SGCZ: variants seen among roughly 807,000 people sequenced by gnomAD.
The protein encoded by SGCZ is zeta-sarcoglycan.
SGCZ carries 40 observed loss-of-function variants against 41.3 expected under a neutral mutation model. The observed-to-expected ratio is 0.97, with a 90% CI of 0.75 to 1.26. SGCZ has a LOEUF of 1.26. Among genes scored for constraint, SGCZ ranks in the 50% most tolerant of loss-of-function variants. SGCZ has a pLI of 0.00. For synonymous variants in SGCZ, 206 were observed against 137.5 expected, an observed-to-expected ratio of 1.50 and a Z score of -3.49; for missense variants, 552 against 369.8, an observed-to-expected ratio of 1.49 and a Z score of -4.04.
intron 2 of SGCZ, among the ~76,000 whole-genome samples, chr8:14,506,730 T>G (rs565718642): frequency 3.1e-4 from 47 of 152,322 alleles, no homozygotes; most frequent in Non-Finnish European, 6.5e-4. Flanking sequence ...CTAAATTGAA[T>G]GGTCCATCTC....
At chr8:15,077,531 T>C (rs1294671907) in intron 1 of SGCZ, among the ~76,000 whole-genome samples, 1 of 152,234 alleles carries the variant, frequency 6.6e-6, no homozygotes, top group African/African-American at 2.4e-5. Context: ...TGAATTTTTC[T>C]AACTGAAGGA....
intron 1 of SGCZ, among the ~76,000 whole-genome samples, chr8:14,781,159 T>C (rs1800576283): frequency 6.6e-6 from 1 of 152,160 alleles, no homozygotes; most frequent in Non-Finnish European, 1.5e-5. Context: ...TACTGCCTCT[T>C]TTTTCTAAGC....
chr8:14,744,090 G>T (rs577552791), intron 1 of SGCZ, among the ~76,000 whole-genome samples: 1 of 151,510 alleles, frequency 6.6e-6, no homozygotes, highest in African/African-American at 2.4e-5. Context: ...CAAGGGTTTC[G>T]TCTCTTTTAG....
chr8:15,237,085 T>G (rs1197313398), intron 1 of SGCZ, among the ~76,000 whole-genome samples: 1 of 152,166 alleles, frequency 6.6e-6, no homozygotes, highest in Admixed American at 6.5e-5. Context: ...AAACGGGCTG[T>G]CGTTGCAGAT....
chr8:14,202,264 C>T (rs1805478865), intron 4 of SGCZ, among the ~76,000 whole-genome samples: 1 of 152,112 alleles, frequency 6.6e-6, no homozygotes, highest in Admixed American at 6.6e-5. Flanking sequence ...GTAAAGATAA[C>T]CTCTATAAAC....
At chr8:15,036,199 C>G (rs929681627) in intron 1 of SGCZ, among the ~76,000 whole-genome samples, 1 of 151,970 alleles carries the variant, frequency 6.6e-6, no homozygotes, top group Non-Finnish European at 1.5e-5. Flanking sequence ...CTACATTAAA[C>G]TAGGATACAT....
intron 1 of SGCZ, among the ~76,000 whole-genome samples, chr8:14,798,949 C>A (rs1389019366): frequency 6.6e-6 from 1 of 151,798 alleles, no homozygotes; most frequent in Non-Finnish European, 1.5e-5. Context: ...TTTCTGCCTA[C>A]ATATTTTACT....
chr8:14,582,615 G>A lies in SGCZ; in HGVS notation c.40-27689C>T, dbSNP rs571681880. ...ATGCTGGTGTGCTGCCCATTAACTC[G>A]TCATTTAGCATTAGGTATATCTCCT... is the stretch of plus-strand genomic sequence containing the variant. On this transcript the variant is annotated intron_variant, in intron 1 of 7. Coordinates refer to ENST00000382080, the MANE Select transcript of SGCZ (RefSeq NM_139167.4). Among the ~76,000 whole-genome samples, 588 of 148,928 alleles carry A rather than the reference G, an allele frequency of 3.9e-3. 5 individuals are homozygous for A. The highest frequency in any genetic ancestry group is 0.014 in the African/African-American group (551 of 39,904).
chr8:14,237,280 C>T (rs112568277), intron 4 of SGCZ, among the ~76,000 whole-genome samples: 11 of 152,116 alleles, frequency 7.2e-5, no homozygotes, highest in African/African-American at 2.7e-4. Flanking sequence ...ACATGACTAG[C>T]CTATGACAAG....
At chr8:14,835,245 C>G (rs1031713761) in intron 1 of SGCZ, among the ~76,000 whole-genome samples, 3 of 152,096 alleles carry the variant, frequency 2.0e-5, no homozygotes, top group Admixed American at 1.3e-4. Context: ...CCTTAGGCAC[C>G]TGAAATATTT....
chr8:15,232,675 GTA>G (rs34496062), intron 1 of SGCZ, among the ~76,000 whole-genome samples: 47,135 of 116,758 alleles, frequency 0.4, 10,704 homozygotes, highest in Non-Finnish European at 0.5. Flanking sequence ...ATATGTGTGT[GTA>G]TATATATATA....
intron 3 of SGCZ, among the ~76,000 whole-genome samples, chr8:14,253,332 C>T (rs567474897): frequency 2.0e-5 from 3 of 151,194 alleles, no homozygotes; most frequent in South Asian, 2.1e-4. Context: ...CCAGATCTTA[C>T]GTGAAATCAT....
intron 4 of SGCZ, among the ~76,000 whole-genome samples, chr8:14,168,178 C>T (rs898861094): frequency 8.5e-5 from 13 of 152,114 alleles, no homozygotes; most frequent in Non-Finnish European, 1.3e-4. Context: ...TCAAAATTTC[C>T]ACAAGGAAAA....
At chr8:14,653,137 G>C (rs1480060314) in intron 1 of SGCZ, among the ~76,000 whole-genome samples, 1 of 152,024 alleles carries the variant, frequency 6.6e-6, no homozygotes, top group Non-Finnish European at 1.5e-5. Flanking sequence ...GGTACAGACA[G>C]TCAGTAACTG....
At chr8:14,660,351 C>A (rs570626619) in intron 1 of SGCZ, among the ~76,000 whole-genome samples, 1 of 151,750 alleles carries the variant, frequency 6.6e-6, no homozygotes, top group African/African-American at 2.4e-5. Flanking sequence ...GTGGGTGGAT[C>A]GCCTGAGGTC....
intron 2 of SGCZ, among the ~76,000 whole-genome samples, chr8:14,510,200 A>G (rs1802428492): frequency 1.3e-5 from 2 of 152,150 alleles, no homozygotes; most frequent in African/African-American, 4.8e-5. Flanking sequence ...TTATTATTAA[A>G]AAATTCTCCT....
chr8:14,098,351 G>GCAAA (rs1002109553), intron 7 of SGCZ, among the ~76,000 whole-genome samples: 2 of 152,086 alleles, frequency 1.3e-5, no homozygotes, highest in African/African-American at 4.8e-5. Context: ...ACAAAACTAA[G>GCAAA]CAAACAACAA....
intron 4 of SGCZ, among the ~76,000 whole-genome samples, chr8:14,217,347 G>A (rs1003339648): frequency 2.2e-5 from 3 of 138,994 alleles, no homozygotes; most frequent in South Asian, 2.5e-4. Context: ...ACACCCACAC[G>A]CACACATACA....
At chr8:15,131,249 C>A (rs1440267086) in intron 1 of SGCZ, among the ~76,000 whole-genome samples, 1 of 152,102 alleles carries the variant, frequency 6.6e-6, no homozygotes, top group East Asian at 1.9e-4. Context: ...ATAACTGAAC[C>A]ATCAGGATGG....
Sources: allele counts gnomAD v4.1 joint callset (sites outside exome capture counted in the v4.1 genomes callset), GRCh38; gene constraint gnomAD v4.1.1; transcripts MANE v1.5; gene names NCBI Gene and HGNC (gene_info 2026-07-23, HGNC 2026-07-21).